DOCK3: variants seen among roughly 807,000 people sequenced by gnomAD.
The protein encoded by DOCK3 is dedicator of cytokinesis 3.
DOCK3 carries 60 observed loss-of-function variants against 265.6 expected under a neutral mutation model. The observed-to-expected ratio is 0.23, with a 90% confidence interval of 0.18 to 0.28. DOCK3 has a LOEUF of 0.28. Ranked by LOEUF, DOCK3 falls within the 10% of genes least tolerant of loss-of-function variation. DOCK3 has a pLI of 1.00. For synonymous variants in DOCK3, 881 were observed against 938.0 expected, an observed-to-expected ratio of 0.94 and a Z score of 1.11; for missense variants, 1,981 against 2,594.3, an observed-to-expected ratio of 0.76 and a Z score of 5.14.
intron 9 of DOCK3, among the ~76,000 whole-genome samples, chr3:51,135,845 G>C (rs1436575882): frequency 6.6e-6 from 1 of 152,116 alleles, no homozygotes; most frequent in Non-Finnish European, 1.5e-5. Flanking sequence ...TGAGTCGCCA[G>C]GGCTGTAAAT....
At chr3:50,817,290 A>G (rs2044139813) in intron 2 of DOCK3, among the ~76,000 whole-genome samples, 1 of 152,118 alleles carries the variant, frequency 6.6e-6, no homozygotes, top group African/African-American at 2.4e-5. Context: ...CATCTGGGAA[A>G]TGTAGCTCAG....
At chr3:51,163,022 G>A (rs1231650560) in intron 12 of DOCK3, among the ~76,000 whole-genome samples, 1 of 152,076 alleles carries the variant, frequency 6.6e-6, no homozygotes, top group East Asian at 1.9e-4. Context: ...AATTATTCTA[G>A]GATTAGTCAT....
intron 27 of DOCK3, among the ~76,000 whole-genome samples, chr3:51,288,903 G>GGTGTGTGTGTGTGTGTGT: frequency 6.9e-6 from 1 of 144,236 alleles, no homozygotes; most frequent in Non-Finnish European, 1.5e-5. Flanking sequence ...TGTGTGTGTG[G>GGTGTGTGTGTGTGTGTGT]GTGTGTGTGT....
At chr3:51,023,401 G>T (rs1559956151) in intron 5 of DOCK3, among the ~76,000 whole-genome samples, 2 of 152,004 alleles carry the variant, frequency 1.3e-5, no homozygotes, top group South Asian at 2.1e-4. Context: ...TGTTCTGATT[G>T]TTTTTTGTTG....
At chr3:51,129,239 G>A (rs2084401881) in intron 9 of DOCK3, among the ~76,000 whole-genome samples, 1 of 152,206 alleles carries the variant, frequency 6.6e-6, no homozygotes, top group Non-Finnish European at 1.5e-5. Flanking sequence ...TCCCTTCACT[G>A]CTGTCCTACA....
intron 3 of DOCK3, among the ~76,000 whole-genome samples, chr3:50,874,329 G>A (rs192831708): frequency 1.5e-4 from 23 of 151,802 alleles, no homozygotes; most frequent in African/African-American, 4.1e-4. Context: ...TGGCAAGACC[G>A]TATGTCTGCA....
intron 2 of DOCK3, among the ~76,000 whole-genome samples, chr3:50,839,682 T>C (rs1260263019): frequency 1.5e-5 from 2 of 137,614 alleles, no homozygotes; most frequent in Admixed American, 7.7e-5. Context: ...TATTTTTTAA[T>C]TGGGCTGTTT....
chr3:51,084,092 G>C (rs191332560), intron 7 of DOCK3, among the ~76,000 whole-genome samples: 211 of 152,180 alleles, frequency 1.4e-3, no homozygotes, highest in Admixed American at 2.5e-3. Flanking sequence ...GACATACAGG[G>C]TACCAGAAGC....
chr3:51,363,196 C>G (rs573939758), intron 49 of DOCK3, among the ~76,000 whole-genome samples: 1 of 152,324 alleles, frequency 6.6e-6, no homozygotes, highest in South Asian at 2.1e-4. Flanking sequence ...ATTTCTTGTT[C>G]AGTTGAATGA....
intron 2 of DOCK3, among the ~76,000 whole-genome samples, chr3:50,830,888 C>T (rs2107103998): frequency 6.6e-6 from 1 of 152,188 alleles, no homozygotes; most frequent in Admixed American, 6.5e-5. Flanking sequence ...TCCTGGTTGG[C>T]TATTTTTATG....
chr3:50,858,227 A>G (rs982536237), intron 3 of DOCK3, among the ~76,000 whole-genome samples: 1 of 152,164 alleles, frequency 6.6e-6, no homozygotes, highest in South Asian at 2.1e-4. Flanking sequence ...GAACTGAACA[A>G]TGAGAACACT....
intron 9 of DOCK3, among the ~76,000 whole-genome samples, chr3:51,121,023 CAAACAAACAA>C (rs1183223792): frequency 1.3e-5 from 2 of 152,088 alleles, no homozygotes; most frequent in African/African-American, 4.8e-5. Context: ...TGGAAAAAAA[CAAACAAACAA>C]AAACAAACAA....
chr3:51,097,555 G>A (rs1364312494), intron 9 of DOCK3, among the ~76,000 whole-genome samples: 1 of 152,174 alleles, frequency 6.6e-6, no homozygotes, highest in African/African-American at 2.4e-5. Flanking sequence ...ATGGGGGTGG[G>A]ATCTGCTGAG....
chr3:51,304,469 T>G (rs2082537065), intron 27 of DOCK3, among the ~76,000 whole-genome samples: 1 of 151,968 alleles, frequency 6.6e-6, no homozygotes, highest in African/African-American at 2.4e-5. Context: ...TCAGTTGTCA[T>G]AGACAGCAGG....
chr3:50,988,415 G>A (rs1454633978), intron 5 of DOCK3, among the ~76,000 whole-genome samples: 3 of 152,182 alleles, frequency 2.0e-5, no homozygotes, highest in Non-Finnish European at 4.4e-5. Flanking sequence ...GCCAGAGGGA[G>A]AGGTGGGCCA....
chr3:50,712,022 G>A (rs946428359), intron 1 of DOCK3, among the ~76,000 whole-genome samples: 1 of 152,028 alleles, frequency 6.6e-6, no homozygotes, highest in Non-Finnish European at 1.5e-5. Context: ...GATGTTCCAT[G>A]TCTTATTCTT....
chr3:51,047,817 A>G (rs181491291), intron 5 of DOCK3, among the ~76,000 whole-genome samples: 3 of 152,302 alleles, frequency 2.0e-5, no homozygotes, highest in Admixed American at 2.0e-4. Flanking sequence ...AGGCATTTAG[A>G]GAATTAATCC....
chr3:50,716,241 T>C (rs1392965721), intron 1 of DOCK3, among the ~76,000 whole-genome samples: 1 of 151,834 alleles, frequency 6.6e-6, no homozygotes, highest in Non-Finnish European at 1.5e-5. Flanking sequence ...TTTTTGGGTG[T>C]AGTTGGCCAG....
chr3:51,025,672 C>T (rs1044268300), intron 5 of DOCK3, among the ~76,000 whole-genome samples: 10 of 152,218 alleles, frequency 6.6e-5, no homozygotes, highest in African/African-American at 2.4e-4. Context: ...TTGGGAGCTG[C>T]ATTTACCCTG....
Sources: gnomAD v4.1 joint callset for allele counts (sites outside exome capture counted in the v4.1 genomes callset) on GRCh38, gnomAD v4.1.1 for gene constraint, MANE v1.5 for transcripts, NCBI Gene and HGNC (gene_info 2026-07-23, HGNC 2026-07-21) for gene names.